The following SDK1 variants were observed in gnomAD, a reference collection of about 807,000 sequenced individuals.
SDK1 encodes the protein protein sidekick-1.
A neutral mutation model predicts 245.5 loss-of-function variants in SDK1; 157 were observed. The ratio of observed to expected loss-of-function variants is 0.64; its 90% CI spans 0.56 to 0.73. The LOEUF is 0.73. Among genes scored for constraint, SDK1 ranks in the 30% least tolerant of loss-of-function variants. The pLI is 0.00. For missense variants in SDK1, 3,583 were observed against 3,002.3 expected, an observed-to-expected ratio of 1.19 and a Z score of -4.52; for synonymous variants, 1,647 against 1,278.5, an observed-to-expected ratio of 1.29 and a Z score of -6.15.
chr7:3,921,552 A>G lies in SDK1; in HGVS notation c.848-29371A>G, dbSNP rs1033538018. Among the ~76,000 whole-genome samples the G allele has an allele frequency of 2.6e-5, 4 of 152,204 alleles. No homozygotes were observed. The East Asian group carries it at 5.8e-4, about 22-fold the overall frequency. On this transcript the variant is annotated intron_variant, in intron 5 of 44. Transcript: ENST00000404826. Reference sequence around the variant, plus strand: ...TATAAGAACTAGACCTCTCTTCTCTATAGACTTGCTAGCTCCAGCTTAAAA... The same window carrying G: ...TATAAGAACTAGACCTCTCTTCTCTGTAGACTTGCTAGCTCCAGCTTAAAA...
intron 39 of SDK1, 128 bp from the exon 40 acceptor site, chr7:4,221,111 G>T (rs1404231468): frequency 1.8e-6 from 2 of 1,142,420 alleles, no homozygotes; most frequent in African/African-American, 1.5e-5. Flanking sequence ...GGGTGCGTGA[G>T]GTTAAGTAAC....
intron 9 of SDK1, among the ~76,000 whole-genome samples, chr7:3,966,423 A>G (rs976891244): frequency 5.9e-5 from 9 of 152,070 alleles, no homozygotes; most frequent in African/African-American, 2.2e-4. Flanking sequence ...GTTATTGGGT[A>G]GCACAGAGTT....
chr7:3,352,148 ATATT>A (rs1209932356), intron 1 of SDK1, among the ~76,000 whole-genome samples: 292 of 149,386 alleles, frequency 2.0e-3, no homozygotes, highest in Non-Finnish European at 2.8e-3. Flanking sequence ...ATATAAATAT[ATATT>A]TATAAAAGTT....
intron 19 of SDK1, among the ~76,000 whole-genome samples, chr7:4,060,729 G>A (rs201137625): frequency 1.1e-4 from 16 of 151,884 alleles, no homozygotes; most frequent in African/African-American, 3.9e-4. Flanking sequence ...GCCTATGTCC[G>A]GAATGGTAAT....
chr7:4,007,629 G>A (rs1391808945), intron 14 of SDK1, among the ~76,000 whole-genome samples: 1 of 152,054 alleles, frequency 6.6e-6, no homozygotes, highest in Non-Finnish European at 1.5e-5. Flanking sequence ...TTTTGAGACA[G>A]AGTCTTGCTC....
At chr7:3,958,110 A>C (rs1781407996) in intron 7 of SDK1, 1 of 417,662 alleles carries the variant, frequency 2.4e-6, no homozygotes, top group East Asian at 7.5e-5. Context: ...ATTCAACACA[A>C]TTATAATGAA....
intron 1 of SDK1, among the ~76,000 whole-genome samples, chr7:3,567,162 A>C (rs1373324267): frequency 6.6e-6 from 1 of 152,208 alleles, no homozygotes; most frequent in African/African-American, 2.4e-5. Flanking sequence ...AGGTTTTTTA[A>C]AAACACTGAG....
At chr7:3,672,795 A>AG (rs55676850) in intron 4 of SDK1, among the ~76,000 whole-genome samples, 1 of 67,182 alleles carries the variant, frequency 1.5e-5, no homozygotes, top group Non-Finnish European at 3.0e-5. Flanking sequence ...ATATATATAT[A>AG]AAAAATACAG....
Position 4,026,325 on chromosome 7 carries a change from T to C in SDK1, c.2602+8973T>C, listed in dbSNP as rs963832130. ...GAGTGGCCAGAGCTTCCACCCTCGG[T>C]GGCCTTGGGCCCATGTTTTAGAAGC... On this transcript the variant is annotated intron_variant, in intron 17 of 44. Coordinates refer to ENST00000404826, the MANE Select transcript of SDK1 (RefSeq NM_152744.4). The surrounding 1 kb of genome is among the most constrained non-coding windows in gnomAD (Gnocchi z 4.1). 1.3e-5 allele frequency among the ~76,000 whole-genome samples: 2 copies of C among 152,256 alleles called. No homozygotes were observed. The highest frequency in any genetic ancestry group is 4.8e-5 in the African/African-American group (2 of 41,478).
intron 5 of SDK1, among the ~76,000 whole-genome samples, chr7:3,937,312 C>G (rs1007514367): frequency 3.3e-5 from 5 of 152,196 alleles, no homozygotes; most frequent in African/African-American, 1.2e-4. Flanking sequence ...AATGCCTGTG[C>G]TCATGGTCAT....
intron 4 of SDK1, among the ~76,000 whole-genome samples, chr7:3,815,474 A>G (rs1055246918): frequency 6.6e-5 from 10 of 150,386 alleles, no homozygotes; most frequent in African/African-American, 2.5e-5. Context: ...CCACTTGATC[A>G]TGGTGGATAG....
intron 19 of SDK1, among the ~76,000 whole-genome samples, chr7:4,064,025 A>T (rs1401022940): frequency 2.0e-5 from 3 of 152,212 alleles, no homozygotes; most frequent in Admixed American, 2.0e-4. Flanking sequence ...GTAGGCAAAG[A>T]TTTTATGGCT....
chr7:3,520,415 G>A (rs1286516865), intron 1 of SDK1, among the ~76,000 whole-genome samples: 1 of 152,158 alleles, frequency 6.6e-6, no homozygotes, highest in Non-Finnish European at 1.5e-5. Flanking sequence ...ATAACAGGCT[G>A]TGTGTAAAAG....
chr7:3,907,496 T>G (rs1583544917), intron 5 of SDK1, among the ~76,000 whole-genome samples: 1 of 152,370 alleles, frequency 6.6e-6, no homozygotes, highest in Non-Finnish European at 1.5e-5. Flanking sequence ...CATACCACAC[T>G]CTATGTATCC....
rs143589366 is a variant in SDK1 at position 3,483,211 on chromosome 7, T to C, written c.299-135869T>C. ...GTTAAAAACTGACATCTTTACAGTATTGAGTCCTAGCATTTCTGAATAGAG... is the reference window on the plus strand; with the variant it reads ...GTTAAAAACTGACATCTTTACAGTACTGAGTCCTAGCATTTCTGAATAGAG... On this transcript the variant is annotated intron_variant, in intron 1 of 44. Coordinates refer to ENST00000404826, the MANE Select transcript of SDK1 (RefSeq NM_152744.4). Among the ~76,000 whole-genome samples, 117 of 152,358 alleles carry C rather than the reference T, an allele frequency of 7.7e-4. 1 individual carries two copies. Among genetic ancestry groups the C allele is most frequent in the African/African-American group, 2.7e-3 (113 of 41,582 alleles).
intron 1 of SDK1, among the ~76,000 whole-genome samples, chr7:3,475,251 G>C (rs1342331245): frequency 6.6e-6 from 1 of 152,018 alleles, no homozygotes; most frequent in Non-Finnish European, 1.5e-5. Flanking sequence ...TCAAGGCCTG[G>C]CCCTTCCTTG....
At chr7:4,101,267 G>A (rs1782520643) in intron 22 of SDK1, among the ~76,000 whole-genome samples, 1 of 151,426 alleles carries the variant, frequency 6.6e-6, no homozygotes, top group African/African-American at 2.4e-5. Flanking sequence ...TCAGCCTCCT[G>A]AATAGCTGGG....
At chr7:3,515,026 A>G (rs948540562) in intron 1 of SDK1, among the ~76,000 whole-genome samples, 5 of 152,150 alleles carry the variant, frequency 3.3e-5, no homozygotes, top group African/African-American at 9.7e-5. Flanking sequence ...TTAGGCTTGG[A>G]GGGTGCCTTT....
rs908072271 is a variant in SDK1 at position 3,775,760 on chromosome 7, T to G, written c.714-45690T>G. ...CCCGGCTAATTTTTTGTATTTTTAG[T>G]AGAGACGGGGTTTCACCTTGTTAGC... On this transcript the variant is annotated intron_variant, in intron 4 of 44. Transcript: ENST00000404826. Among the ~76,000 whole-genome samples, 184 of 152,000 alleles carry G rather than the reference T, an allele frequency of 1.2e-3. 1 individual carries two copies. Among genetic ancestry groups the G allele is most frequent in the Non-Finnish European group, 4.3e-4 (29 of 67,934 alleles).
Sources: gnomAD v4.1 joint callset for allele counts (sites outside exome capture counted in the v4.1 genomes callset) on GRCh38, gnomAD v4.1.1 for gene constraint, Gnocchi (gnomAD v3.1) non-coding constraint, MANE v1.5 for transcripts, NCBI Gene and HGNC (gene_info 2026-07-23, HGNC 2026-07-21) for gene names.